The following ZNF518A variants were observed in gnomAD, a reference collection of about 807,000 sequenced individuals.
ZNF518A encodes zinc finger protein 518A.
In ZNF518A, 47 loss-of-function variants were observed where a neutral mutation model predicts 102.7. The ratio of observed to expected loss-of-function variants is 0.46; its 90% confidence interval spans 0.36 to 0.58. The LOEUF (loss-of-function observed/expected upper bound fraction) is 0.58. Ranked by LOEUF, ZNF518A falls within the 20% of genes least tolerant of loss-of-function variation. The pLI is 0.00. For synonymous variants in ZNF518A, 652 were observed against 594.6 expected (o/e 1.10, Z -1.40); for missense variants, 1,793 against 1,699.8 (o/e 1.05, Z -0.96).
At chr10:96,150,547 A>G (rs868943322) in intron 3 of ZNF518A, among the ~76,000 whole-genome samples, 34 of 58,066 alleles carry the variant, frequency 5.9e-4, no homozygotes, top group Middle Eastern at 0.014. Context: ...ATCTTTTTGG[A>G]AAAAAAAAAA....
chr10:96,175,863 C>T (rs974125727), intron 1 of ZNF518A, among the ~76,000 whole-genome samples: 1 of 55,270 alleles, frequency 1.8e-5, no homozygotes, highest in Non-Finnish European at 4.7e-5. Context: ...TATTCCCTCC[C>T]TGCCTCCCTC....
intron 3 of ZNF518A, among the ~76,000 whole-genome samples, chr10:96,146,311 A>G (rs10882725): frequency 0.54 from 82,126 of 152,038 alleles, 22,605 homozygotes; most frequent in Middle Eastern, 0.71. Flanking sequence ...CATTTCTAGA[A>G]GTGAATCAGA....
rs782357539 is a variant in ZNF518A at position 96,160,802 on chromosome 10, A to G, written c.*28A>G. ...TACCATAATTACCAAGGAAAAGAAA[A>G]GTAAAATTACCTTAGAAGAAAACAA... On this transcript the variant is annotated 3_prime_UTR_variant, in exon 6 of 6. Coordinates refer to ENST00000316045, the MANE Select transcript of ZNF518A (RefSeq NM_001330736.2). 2.0e-6 allele frequency: 3 copies of G among 1,498,436 alleles called. No homozygotes were observed. Among genetic ancestry groups the G allele is most frequent in the Non-Finnish European group, 2.7e-6 (3 of 1,128,250 alleles). The allele number at this position is 1,498,436 out of a possible 1,614,324, so 92.8% of individuals were successfully genotyped here. A position where few individuals can be genotyped will look rare whatever the true frequency, so the allele number is the denominator to read the frequency against.
intron 1 of ZNF518A, among the ~76,000 whole-genome samples, chr10:96,188,880 A>AC (rs1220272944): frequency 3.3e-5 from 5 of 152,204 alleles, no homozygotes; most frequent in Admixed American, 1.3e-4. Flanking sequence ...TCAAGGTGCC[A>AC]CCAGGGCCAT....
At chr10:96,136,278 TTTA>T (rs2081593682) in intron 3 of ZNF518A, among the ~76,000 whole-genome samples, 1 of 151,904 alleles carries the variant, frequency 6.6e-6, no homozygotes, top group African/African-American at 2.4e-5. Flanking sequence ...AAACCTTTGT[TTTA>T]TTCATCTGTC....
chr10:96,159,727 A>G lies in ZNF518A; in HGVS notation c.3405A>G (p.Lys1135=). 6.2e-7 allele frequency: 1 copy of G among 1,613,230 alleles called. No homozygotes were observed. Residue 1135 remains lysine (K), a synonymous_variant, in exon 6 of 6, where the codon AAA becomes AAG. Coordinates refer to ENST00000316045, the MANE Select transcript of ZNF518A (RefSeq NM_001330736.2). ...NSTYQNIQPK[K]PEGTPQRILL... ...CTTATCAAAATATACAGCCAAAGAA[A>G]CCTGAAGGAACACCACAAAGAATAT...
intron 1 of ZNF518A, among the ~76,000 whole-genome samples, chr10:96,186,747 C>T (rs1280466358): frequency 1.3e-5 from 2 of 152,218 alleles, no homozygotes; most frequent in Non-Finnish European, 2.9e-5. Context: ...AAACAAATAA[C>T]TTTCCCAAGT....
chr10:96,163,263 A>G lies in ZNF518A; in HGVS notation c.*2489A>G. Reference sequence around the variant, plus strand: ...TATTCTGAGGGAGGCAGACCTGCTTAGAGTTTCATTATTGCCATTGCAGAA... The same window carrying G: ...TATTCTGAGGGAGGCAGACCTGCTTGGAGTTTCATTATTGCCATTGCAGAA... On this transcript the variant is annotated 3_prime_UTR_variant, in exon 6 of 6. Coordinates refer to ENST00000316045, the MANE Select transcript of ZNF518A (RefSeq NM_001330736.2). The G allele has an allele frequency of 6.0e-6, 1 of 166,878 alleles. No individual in the cohort carries two copies. The allele number at this position is 166,878 out of a possible 1,614,324, so 10.3% of individuals were successfully genotyped here.
In ZNF518A at chr10:96,157,796, A is replaced by G. The variant is rs1314898458; in HGVS notation, c.1474A>G (p.Asn492Asp). The G allele has an allele frequency of 4.3e-6, 7 of 1,613,766 alleles. No individual in the cohort carries two copies. Among genetic ancestry groups the G allele is most frequent in the Non-Finnish European group, 5.9e-6 (7 of 1,179,788 alleles). The change falls in exon 6 of 6, where the codon AAT becomes GAT. Residue 492 changes from asparagine to aspartate, a missense_variant. Asn to Asp is a conservative substitution (Grantham distance 23). This residue lies in a region of ZNF518A where 1,741 missense variants were observed against 1,622.6 expected (regional missense o/e 1.07). Coordinates refer to ENST00000316045, the MANE Select transcript of ZNF518A (RefSeq NM_001330736.2). ...TTTGCAGCCCCAGACTTTGGACACT[A>G]ATGGATTTTTAACAGGAGTAACAAC... ...ANLQPQTLDT[N>D]GFLTGVTTEL...
intron 1 of ZNF518A, among the ~76,000 whole-genome samples, chr10:96,179,840 A>T (rs12770086): frequency 1.1e-4 from 11 of 100,218 alleles, no homozygotes; most frequent in South Asian, 3.9e-4. Flanking sequence ...CCTCCTCCTC[A>T]TCCTTCTTCT....
chr10:96,195,706 G>A (rs2083448203), intron 1 of ZNF518A, among the ~76,000 whole-genome samples: 1 of 152,158 alleles, frequency 6.6e-6, no homozygotes, highest in South Asian at 2.1e-4. Context: ...TCTATAAGAT[G>A]AACAAGTTCT....
rs111459575 is a variant in ZNF518A, at chr10:96,186,322, G to A, written n.36-17252G>A. 1.7e-3 allele frequency among the ~76,000 whole-genome samples: 255 copies of A among 152,296 alleles called. 3 individuals carry two copies. The highest frequency in any genetic ancestry group is 5.7e-3 in the African/African-American group (236 of 41,560). ...TCGATCACACTGGGAGCTGCAGACC[G>A]GAGCTGTTACTATTCAGCCATCTTG... On this transcript the variant is annotated intron_variant and non_coding_transcript_variant, in intron 1 of 2. Coordinates refer to the ZNF518A transcript ENST00000442635.
chr10:96,184,625 C>T (rs141711192), intron 1 of ZNF518A, among the ~76,000 whole-genome samples: 7,235 of 152,168 alleles, frequency 0.048, 246 homozygotes, highest in South Asian at 0.12. Flanking sequence ...TGTTGAATAT[C>T]GACCCCCACT....
chr10:96,192,617 G>A (rs1311215181), intron 1 of ZNF518A, among the ~76,000 whole-genome samples: 2 of 151,982 alleles, frequency 1.3e-5, no homozygotes, highest in African/African-American at 4.8e-5. Context: ...TTGGTTCCTG[G>A]TAAGCTTAGA....
Position 96,156,742 on chromosome 10 carries a change from A to G in ZNF518A, c.420A>G (p.Gln140=), listed in dbSNP as rs1019948197. 13 of 1,613,790 alleles carry G rather than the reference A, an allele frequency of 8.1e-6. No homozygotes were observed. The highest frequency in any genetic ancestry group is 6.7e-5 in the Admixed American group (4 of 60,010). The part of the protein sequence containing the change: ...YSPNDLQKHF[Q]MWHHGELPSY... ...CAAATGATTTGCAGAAACACTTTCA[A>G]ATGTGGCACCATGGCGAATTACCTT... The change falls in exon 6 of 6, where the codon CAA becomes CAG. Residue 140 remains glutamine (Q), a synonymous_variant. Transcript: ENST00000316045.
chr10:96,165,355 G>T (rs1032598663), downstream of ZNF518A, among the ~76,000 whole-genome samples: 5 of 151,748 alleles, frequency 3.3e-5, no homozygotes, highest in African/African-American at 1.2e-4. Flanking sequence ...TGATTCACCT[G>T]CCTTGGCCTC....
chr10:96,182,467 T>C (rs1227156821), intron 1 of ZNF518A, among the ~76,000 whole-genome samples: 2 of 152,170 alleles, frequency 1.3e-5, no homozygotes, highest in African/African-American at 4.8e-5. Context: ...TGGCTGTGGG[T>C]TTGTCATAAA....
downstream of ZNF518A, chr10:96,204,585 C>T: frequency 6.2e-7 from 1 of 1,613,984 alleles, no homozygotes; most frequent in East Asian, 2.2e-5. Flanking sequence ...TGTGACTTGA[C>T]CCTCGGTGGC....
intron 1 of ZNF518A, among the ~76,000 whole-genome samples, chr10:96,188,643 C>A (rs782679382): frequency 1.1e-4 from 16 of 152,134 alleles, no homozygotes; most frequent in Non-Finnish European, 2.2e-4. Flanking sequence ...CCCAGTTTCC[C>A]AGTTTAAATT....
Sources: allele counts gnomAD v4.1 joint callset (sites outside exome capture counted in the v4.1 genomes callset), GRCh38; gene constraint gnomAD v4.1.1; regional missense constraint gnomAD v4.1.1; transcripts MANE v1.5; gene names NCBI Gene and HGNC (gene_info 2026-07-23, HGNC 2026-07-21).